The following PARPBP variants were observed in gnomAD, a reference collection of about 807,000 sequenced individuals.
PARPBP encodes PARP1 binding protein.
A neutral mutation model predicts 50.0 loss-of-function variants in PARPBP; 52 were observed. The observed-to-expected ratio is 1.04, with a 90% confidence interval of 0.83 to 1.31. The LOEUF (loss-of-function observed/expected upper bound fraction) is 1.31, where lower values mean the gene tolerates loss of function less well. Ranked by LOEUF, PARPBP falls within the 50% of genes most tolerant of loss-of-function variation. The pLI, the probability that PARPBP is intolerant of heterozygous loss-of-function variation, is 0.00. For missense variants in PARPBP, 697 were observed against 672.0 expected (o/e 1.04, Z -0.41); for synonymous variants, 244 against 232.1 (o/e 1.05, Z -0.47).
At chr12:102,152,652 T>C (rs1886361994) in intron 3 of PARPBP, among the ~76,000 whole-genome samples, 1 of 152,200 alleles carries the variant, frequency 6.6e-6, no homozygotes, top group Non-Finnish European at 1.5e-5. Context: ...AGAAGGTTAT[T>C]ACTTTTTCAA....
At chr12:102,155,661 C>T (rs150053645) in intron 4 of PARPBP, among the ~76,000 whole-genome samples, 2 of 151,648 alleles carry the variant, frequency 1.3e-5, no homozygotes, top group African/African-American at 2.4e-5. Flanking sequence ...CTTCAACACC[C>T]TTTGGGTCCC....
intron 6 of PARPBP, among the ~76,000 whole-genome samples, chr12:102,174,644 C>T (rs530635602): frequency 6.6e-6 from 1 of 152,326 alleles, no homozygotes; most frequent in East Asian, 1.9e-4. Context: ...AGTGATACCT[C>T]TAGGGATGGG....
intron 9 of PARPBP, among the ~76,000 whole-genome samples, chr12:102,193,733 T>C (rs1230533714): frequency 6.6e-6 from 1 of 152,058 alleles, no homozygotes; most frequent in Non-Finnish European, 1.5e-5. Context: ...TCTGTAGTTA[T>C]AGGATTAATA....
At chr12:102,124,160 A>G in intron 2 of PARPBP, 119 bp downstream of exon 2, 1 of 685,928 alleles carries the variant, frequency 1.5e-6, no homozygotes, top group Non-Finnish European at 2.5e-6. Flanking sequence ...CTTCTGTGAT[A>G]ATACACCATT....
rs1455062857 is a variant in PARPBP, at chr12:102,197,300, T to C, written c.*1009T>C. 1.3e-5 allele frequency: 11 copies of C among 876,740 alleles called. No individual in the cohort carries two copies. The highest frequency in any genetic ancestry group is 1.9e-5 in the Non-Finnish European group (11 of 583,420). 54.3% of individuals were successfully genotyped at this position (876,740 alleles called of 1,614,324 possible). On this transcript the variant is annotated 3_prime_UTR_variant, in exon 11 of 11. Coordinates refer to ENST00000327680, the MANE Select transcript of PARPBP (RefSeq NM_017915.5). ...TGTTTTTGACTTTTTAAAAATACCT[T>C]AGATGCAAATTTATAGGAGAAAAAA...
intron 3 of PARPBP, chr12:102,151,579 A>G (rs757633456): frequency 4.4e-5 from 67 of 1,535,318 alleles, no homozygotes; most frequent in Non-Finnish European, 5.7e-5. Flanking sequence ...GGGGTCAACT[A>G]TACAGCCACC....
chr12:102,124,711 C>T (rs1412320339), intron 2 of PARPBP, among the ~76,000 whole-genome samples: 2 of 152,166 alleles, frequency 1.3e-5, no homozygotes, highest in Non-Finnish European at 2.9e-5. Context: ...AAGATACTGG[C>T]TTGACTAGAG....
chr12:102,164,671 A>G (rs574764998), intron 5 of PARPBP, 63 bp downstream of exon 5: 1 of 1,355,612 alleles, frequency 7.4e-7, no homozygotes, highest in Middle Eastern at 1.8e-4. Flanking sequence ...GTATCCTAAT[A>G]TGCTTGTAAC....
In PARPBP at chr12:102,196,394, T is replaced by G; in HGVS notation, c.*103T>G. The G allele has an allele frequency of 1.2e-6, 1 of 851,890 alleles. No individual in the cohort carries two copies. Among genetic ancestry groups the G allele is most frequent in the African/African-American group, 1.7e-5 (1 of 58,370 alleles). The allele number at this position is 851,890 out of a possible 1,614,324, so 52.8% of individuals were successfully genotyped here. On this transcript the variant is annotated 3_prime_UTR_variant, in exon 11 of 11. Transcript: ENST00000327680. ...GGTGTAAATTATGATGATTTATTAT[T>G]TTGGTCTACAGTGTATGTAAGGTTA... is the stretch of plus-strand genomic sequence containing the variant.
intron 2 of PARPBP, among the ~76,000 whole-genome samples, chr12:102,139,297 G>T (rs1884172719): frequency 6.6e-6 from 1 of 152,124 alleles, no homozygotes; most frequent in South Asian, 2.1e-4. Context: ...TCTGTGATTG[G>T]TGTATAAGAA....
At chr12:102,160,084 A>G (rs1422295675) in intron 4 of PARPBP, among the ~76,000 whole-genome samples, 2 of 152,202 alleles carry the variant, frequency 1.3e-5, no homozygotes, top group Non-Finnish European at 2.9e-5. Context: ...CATCATAACT[A>G]TACTTATGTG....
At chr12:102,131,415 G>A (rs978105093) in intron 2 of PARPBP, among the ~76,000 whole-genome samples, 3 of 152,178 alleles carry the variant, frequency 2.0e-5, no homozygotes, top group East Asian at 3.8e-4. Flanking sequence ...TTCAACCATT[G>A]TGTAAAGCAG....
chr12:102,179,714 G>GAT (rs35094914), intron 8 of PARPBP, among the ~76,000 whole-genome samples: 11,943 of 151,880 alleles, frequency 0.079, 636 homozygotes, highest in Non-Finnish European at 0.12. Context: ...AAGGCATATA[G>GAT]ATATATATAT....
intron 6 of PARPBP, among the ~76,000 whole-genome samples, chr12:102,172,623 G>A (rs545318444): frequency 6.6e-6 from 1 of 152,146 alleles, no homozygotes; most frequent in Non-Finnish European, 1.5e-5. Flanking sequence ...GCAAGTCTCT[G>A]AAATACAAGT....
At chr12:102,134,238 CA>C (rs771158918) in intron 2 of PARPBP, among the ~76,000 whole-genome samples, 990 of 91,332 alleles carry the variant, frequency 0.011, 2 homozygotes, top group African/African-American at 0.027. Flanking sequence ...AGAGAAGCCT[CA>C]AAAAAAAAAA....
chr12:102,131,194 A>G (rs1169178982), intron 2 of PARPBP, among the ~76,000 whole-genome samples: 1 of 152,064 alleles, frequency 6.6e-6, no homozygotes, highest in Admixed American at 6.6e-5. Flanking sequence ...GTGTGGTGGC[A>G]TGCACCTGTA....
chr12:102,182,634 T>C lies in PARPBP; in HGVS notation c.1263+7T>C, dbSNP rs374976278. ...GCAAGAGAAAAAAATTAAGGTACAATTTAATGCATGCCATGAAAATAGCAA... is the reference window on the plus strand; with the variant it reads ...GCAAGAGAAAAAAATTAAGGTACAACTTAATGCATGCCATGAAAATAGCAA... On this transcript the variant is annotated splice_region_variant and intron_variant, in intron 9 of 10. Transcript: ENST00000327680. 2.2e-5 allele frequency: 35 copies of C among 1,568,166 alleles called. No individual in the cohort carries two copies. In the African/African-American group the frequency reaches 4.6e-4, roughly 21 times the overall value.
At position 102,196,259 on chromosome 12, in the gene PARPBP, C is replaced by G. The variant is rs963118088; in HGVS notation, c.1708C>G (p.Gln570Glu). 6.3e-7 allele frequency: 1 copy of G among 1,596,498 alleles called. No homozygotes were observed. The highest frequency in any genetic ancestry group is 1.4e-5 in the African/African-American group (1 of 73,826). ...CTAKDKLISG[Q>E]AKLTQFFRL ...TGCCAAGGACAAGTTGATTTCTGGC[C>G]AGGCAAAGTTAACTCAGTTTTTTAG... is the stretch of plus-strand genomic sequence containing the variant. The change falls in exon 11 of 11, where the codon CAG (glutamine) becomes GAG (glutamate). Residue 570 changes from glutamine (Q) to glutamate (E), a missense_variant. Gln to Glu is a conservative substitution (Grantham distance 29, BLOSUM62 2). Coordinates refer to ENST00000327680, the MANE Select transcript of PARPBP (RefSeq NM_017915.5).
At chr12:102,150,418 A>G (rs1310923075) in intron 3 of PARPBP, 1 of 340,120 alleles carries the variant, frequency 2.9e-6, no homozygotes, top group African/African-American at 2.2e-5. Flanking sequence ...ATGATCCTGA[A>G]TTTTCATAAT....
Sources: gnomAD v4.1 joint callset for allele counts (sites outside exome capture counted in the v4.1 genomes callset) on GRCh38, gnomAD v4.1.1 for gene constraint, MANE v1.5 for transcripts, NCBI Gene and HGNC (gene_info 2026-07-23, HGNC 2026-07-21) for gene names.